Variants in ADARB2 observed in about 807,000 individuals in gnomAD.
The protein encoded by ADARB2 is adenosine deaminase RNA specific B2 (inactive), also known as inactive double-stranded RNA-specific editase B2.
A neutral mutation model predicts 62.2 loss-of-function variants in ADARB2; 25 were observed. The observed-to-expected ratio is 0.40, with a 90% confidence interval of 0.29 to 0.56. The LOEUF (loss-of-function observed/expected upper bound fraction) is 0.56. Ranked by LOEUF, ADARB2 falls within the 20% of genes least tolerant of loss-of-function variation. The pLI, the probability that ADARB2 is intolerant of heterozygous loss-of-function variation, is 0.43. For synonymous variants in ADARB2, 572 were observed against 500.8 expected, an observed-to-expected ratio of 1.14 and a Z score of -1.90; for missense variants, 1,071 against 1,077.4, an observed-to-expected ratio of 0.99 and a Z score of 0.08.
intron 3 of ADARB2, among the ~76,000 whole-genome samples, chr10:1,331,136 G>A (rs934641298): frequency 1.3e-5 from 2 of 152,204 alleles, no homozygotes; most frequent in African/African-American, 4.8e-5. Flanking sequence ...TGTTGACAAG[G>A]ATGTGGAGAA....
intron 7 of ADARB2, chr10:1,216,654 G>A: frequency 2.2e-6 from 1 of 456,120 alleles, no homozygotes; most frequent in Non-Finnish European, 4.0e-6. Context: ...GCCAGGCTGT[G>A]TTTGCCCCAT....
chr10:1,496,219 TATC>T (rs1048479268), intron 1 of ADARB2, among the ~76,000 whole-genome samples: 2 of 151,166 alleles, frequency 1.3e-5, no homozygotes, highest in Non-Finnish European at 3.0e-5. Context: ...ACATCATCAC[TATC>T]ATCATCATTG....
chr10:1,735,127 G>T (rs1020246559), intron 1 of ADARB2, among the ~76,000 whole-genome samples: 3 of 152,138 alleles, frequency 2.0e-5, no homozygotes, highest in Non-Finnish European at 4.4e-5. Context: ...TCTCCCGCAC[G>T]CCAGAAATCT....
At chr10:1,541,171 G>T (rs1367408828) in intron 1 of ADARB2, among the ~76,000 whole-genome samples, 1 of 71,372 alleles carries the variant, frequency 1.4e-5, no homozygotes, top group African/African-American at 6.1e-5. Flanking sequence ...CTCACACTCA[G>T]TTCAGACCCT....
intron 1 of ADARB2, among the ~76,000 whole-genome samples, chr10:1,697,699 G>A (rs554769164): frequency 6.6e-6 from 1 of 152,202 alleles, no homozygotes; most frequent in African/African-American, 2.4e-5. Flanking sequence ...CCCAGGATGT[G>A]CTGCAGTGTG....
At chr10:1,668,624 G>C (rs76691512) in intron 1 of ADARB2, among the ~76,000 whole-genome samples, 1,546 of 152,266 alleles carry the variant, frequency 0.01, 20 homozygotes, top group East Asian at 0.042. Context: ...ATAGCAATTA[G>C]GGCTGAACAC....
intron 1 of ADARB2, among the ~76,000 whole-genome samples, chr10:1,689,097 A>G (rs1056025446): frequency 6.6e-6 from 1 of 152,214 alleles, no homozygotes; most frequent in Non-Finnish European, 1.5e-5. Flanking sequence ...AATATGCTGC[A>G]AGAAAGCAAT....
In ADARB2 at chr10:1,513,598, AC is replaced by A. The variant is rs1289453009; in HGVS notation, c.101-134439del. On this transcript the variant is annotated intron_variant, in intron 1 of 9. Coordinates refer to ENST00000381312, the MANE Select transcript of ADARB2 (RefSeq NM_018702.4). ...TACTCTGGGGTGGAATTATCCAGAC[AC>A]ACGGCAGTGCTGGGGTTCCAGGGCA... Among the ~76,000 whole-genome samples, 4 of 152,296 alleles carry A rather than the reference AC, an allele frequency of 2.6e-5. No homozygotes were observed. In the East Asian group the frequency reaches 5.8e-4, roughly 22 times the overall value.
intron 4 of ADARB2, among the ~76,000 whole-genome samples, chr10:1,254,547 G>T (rs79158431): frequency 6.6e-6 from 1 of 152,246 alleles, no homozygotes; most frequent in Non-Finnish European, 1.5e-5. Flanking sequence ...TATTGAATGA[G>T]CATCTCCTTG....
chr10:1,371,833 G>C (rs1832375305), intron 2 of ADARB2, among the ~76,000 whole-genome samples: 2 of 147,640 alleles, frequency 1.4e-5, no homozygotes, highest in African/African-American at 2.5e-5. Context: ...TGGATGCAGA[G>C]AAAAGGGGAT....
intron 1 of ADARB2, among the ~76,000 whole-genome samples, chr10:1,560,980 T>C (rs1246296018): frequency 6.6e-6 from 1 of 152,200 alleles, no homozygotes; most frequent in African/African-American, 2.4e-5. Flanking sequence ...TCTAAATACC[T>C]GACCTAGAGT....
intron 1 of ADARB2, among the ~76,000 whole-genome samples, chr10:1,463,196 C>G (rs530571884): frequency 1.3e-5 from 2 of 152,166 alleles, no homozygotes; most frequent in South Asian, 4.2e-4. Context: ...GCCCACGGTG[C>G]CTGGGTGGTG....
chr10:1,559,897 A>G (rs2813364), intron 1 of ADARB2, among the ~76,000 whole-genome samples: 139,628 of 152,254 alleles, frequency 0.92, 64,529 homozygotes, highest in East Asian at 1. Flanking sequence ...GCTTCTCAGA[A>G]GCGTGTCCTC....
At chr10:1,379,690 G>A (rs1832465326) in intron 1 of ADARB2, among the ~76,000 whole-genome samples, 1 of 152,226 alleles carries the variant, frequency 6.6e-6, no homozygotes, top group Admixed American at 6.5e-5. Flanking sequence ...GAGGGAGCTA[G>A]CGGTGTGGGG....
intron 1 of ADARB2, among the ~76,000 whole-genome samples, chr10:1,510,871 C>G (rs762666305): frequency 8.6e-5 from 13 of 151,744 alleles, no homozygotes; most frequent in South Asian, 6.2e-4. Flanking sequence ...CTGTCTCTCT[C>G]TCTTTCTTTC....
intron 1 of ADARB2, among the ~76,000 whole-genome samples, chr10:1,488,913 C>T (rs960019663): frequency 1.3e-5 from 2 of 152,216 alleles, no homozygotes; most frequent in African/African-American, 4.8e-5. Flanking sequence ...ACATTCCGAT[C>T]TGATCAGGGA....
chr10:1,454,614 GTCCCTAGAGTC>G (rs935661438), intron 1 of ADARB2, among the ~76,000 whole-genome samples: 3 of 152,134 alleles, frequency 2.0e-5, no homozygotes, highest in African/African-American at 7.2e-5. Context: ...CCTGCATGAG[GTCCCTAGAGTC>G]CTCACACCCA....
intron 1 of ADARB2, among the ~76,000 whole-genome samples, chr10:1,575,287 A>G (rs1307399706): frequency 6.6e-6 from 1 of 152,228 alleles, no homozygotes; most frequent in Non-Finnish European, 1.5e-5. Flanking sequence ...GCTGCTAAGA[A>G]GCTGCTATAA....
At chr10:1,371,599 A>T (rs918055884) in intron 2 of ADARB2, among the ~76,000 whole-genome samples, 3 of 152,160 alleles carry the variant, frequency 2.0e-5, no homozygotes, top group Non-Finnish European at 2.9e-5. Flanking sequence ...CAAATAACTT[A>T]GCAAGAAAAA....
Sources: gnomAD v4.1 joint callset for allele counts (sites outside exome capture counted in the v4.1 genomes callset) on GRCh38, gnomAD v4.1.1 for gene constraint, MANE v1.5 for transcripts, NCBI Gene and HGNC (gene_info 2026-07-23, HGNC 2026-07-21) for gene names.